The following B4GALT6 variants were observed in gnomAD, a reference collection of about 807,000 sequenced individuals.
The protein encoded by B4GALT6 is UDP-Gal:beta-GlcNAc beta-1,4-galactosyltransferase 6.
In B4GALT6, 14 loss-of-function variants were observed where a neutral mutation model predicts 46.3. The observed-to-expected ratio is 0.30, with a 90% CI of 0.20 to 0.47. The LOEUF (loss-of-function observed/expected upper bound fraction) is 0.47, where lower values mean the gene tolerates loss of function less well. Among genes scored for constraint, B4GALT6 ranks in the 20% least tolerant of loss-of-function variants. The probability of loss-of-function intolerance (pLI) is 0.99; values close to 1 mark genes in which losing one functional copy is unlikely to be tolerated. For missense variants in B4GALT6, 386 were observed against 480.1 expected (o/e 0.80, Z 1.83); for synonymous variants, 168 against 162.0 (o/e 1.04, Z -0.28).
At chr18:31,637,926 AAC>A (rs989366196) in intron 5 of B4GALT6, among the ~76,000 whole-genome samples, 5 of 152,254 alleles carry the variant, frequency 3.3e-5, no homozygotes, top group African/African-American at 1.2e-4. Context: ...TTAGAAAATA[AAC>A]AGTTTCTCAA....
chr18:31,652,122 T>C (rs954552262), intron 3 of B4GALT6, among the ~76,000 whole-genome samples: 1 of 152,042 alleles, frequency 6.6e-6, no homozygotes, highest in African/African-American at 2.4e-5. Context: ...CAAGTCCATC[T>C]CTTCCTAAAG....
chr18:31,678,105 A>T (rs574912736), intron 1 of B4GALT6, among the ~76,000 whole-genome samples: 25 of 152,184 alleles, frequency 1.6e-4, no homozygotes, highest in Non-Finnish European at 3.7e-4. Flanking sequence ...AAGGTAAGCC[A>T]GGGTGCTGCG....
intron 3 of B4GALT6, among the ~76,000 whole-genome samples, chr18:31,648,338 T>C (rs2074018129): frequency 6.6e-6 from 1 of 152,248 alleles, no homozygotes; most frequent in African/African-American, 2.4e-5. Flanking sequence ...TCAGCAAATG[T>C]AAATAATATA....
At chr18:31,656,329 GT>G (rs2074138250) in intron 3 of B4GALT6, among the ~76,000 whole-genome samples, 1 of 152,038 alleles carries the variant, frequency 6.6e-6, no homozygotes, top group South Asian at 2.1e-4. Flanking sequence ...TCAAAAAGAT[GT>G]TTATTTAAAT....
chr18:31,645,628 C>G (rs1229653202), intron 3 of B4GALT6, 149 bp from the exon 4 acceptor site: 1 of 676,974 alleles, frequency 1.5e-6, no homozygotes, highest in Non-Finnish European at 2.4e-6. Context: ...ATGAATAGCG[C>G]TCCCTTTCAC....
At chr18:31,710,380 A>C in the B4GALT6 span, among the ~76,000 whole-genome samples, 1 of 152,192 alleles carries the variant, frequency 6.6e-6, no homozygotes, top group Admixed American at 6.5e-5. Context: ...CTCCCAAAAA[A>C]ATATGTTTAC....
At chr18:31,691,904 C>G in the B4GALT6 span, among the ~76,000 whole-genome samples, 98 of 152,048 alleles carry the variant, frequency 6.4e-4, no homozygotes, top group Admixed American at 2.3e-3. Flanking sequence ...TTAGGTATAT[C>G]AGAGCTATTC....
chr18:31,703,061 A>C, the B4GALT6 span, among the ~76,000 whole-genome samples: 1 of 152,204 alleles, frequency 6.6e-6, no homozygotes, highest in African/African-American at 2.4e-5. Flanking sequence ...GCAAGTTTTT[A>C]AATCTTTTGC....
intron 2 of B4GALT6, among the ~76,000 whole-genome samples, chr18:31,662,842 AAAAAAAACAAAAAC>A (rs2074235515): frequency 6.6e-6 from 1 of 152,108 alleles, no homozygotes; most frequent in East Asian, 1.9e-4. Context: ...CTCTGTCTCA[AAAAAAAACAAAAAC>A]AAAAAAACCC....
the B4GALT6 span, among the ~76,000 whole-genome samples, chr18:31,717,844 C>T: frequency 4.0e-5 from 6 of 151,398 alleles, no homozygotes; most frequent in East Asian, 9.7e-4. Context: ...ATCCCAGCTA[C>T]TCGGGAGGCT....
At chr18:31,712,174 C>T in the B4GALT6 span, among the ~76,000 whole-genome samples, 3 of 152,038 alleles carry the variant, frequency 2.0e-5, no homozygotes, top group African/African-American at 7.3e-5. Context: ...TGCTGGCTAC[C>T]ACTCTTTCTA....
rs193063760 is a variant in B4GALT6 at position 31,629,127 on chromosome 18, T to A, written c.776+1832A>T. Among the ~76,000 whole-genome samples the A allele has an allele frequency of 4.5e-4, 68 of 152,344 alleles. No individual in the cohort carries two copies. The South Asian group carries it at 9.9e-3, about 22-fold the overall frequency. ...AACATCTTTTCTCTAGCTTACTTTA[T>A]GGTAAGAATATGGTATACAATACAT... On this transcript the variant is annotated intron_variant, in intron 6 of 8. Transcript: ENST00000306851.
chr18:31,722,569 T>C, the B4GALT6 span, among the ~76,000 whole-genome samples: 1 of 152,148 alleles, frequency 6.6e-6, no homozygotes, highest in Non-Finnish European at 1.5e-5. Context: ...TAGAGGCGGC[T>C]TTGAGAAGTG....
At chr18:31,666,841 G>A (rs2074288837) in intron 1 of B4GALT6, among the ~76,000 whole-genome samples, 1 of 152,040 alleles carries the variant, frequency 6.6e-6, no homozygotes. Context: ...CAATGGTCCT[G>A]AAAATTCTTG....
chr18:31,657,755 T>TC (rs1302844285), intron 3 of B4GALT6, among the ~76,000 whole-genome samples: 2 of 152,148 alleles, frequency 1.3e-5, no homozygotes, highest in African/African-American at 4.8e-5. Flanking sequence ...TTTGTCATTT[T>TC]CCCCCTTTGT....
chr18:31,659,387 G>A (rs1167086599), intron 2 of B4GALT6, among the ~76,000 whole-genome samples: 1 of 152,130 alleles, frequency 6.6e-6, no homozygotes, highest in Admixed American at 6.5e-5. Context: ...TGGGGATGCT[G>A]CCTAGGAGTC....
chr18:31,687,658 A>G (rs1598944078), upstream of B4GALT6, among the ~76,000 whole-genome samples: 1 of 152,234 alleles, frequency 6.6e-6, no homozygotes. Flanking sequence ...AGTAAGACAG[A>G]AATAAATTTT....
At chr18:31,657,886 A>G in intron 3 of B4GALT6, 90 bp downstream of exon 3, 2 of 924,138 alleles carry the variant, frequency 2.2e-6, no homozygotes, top group East Asian at 2.4e-5. Flanking sequence ...GGTGCACATG[A>G]CCTGCTCCTG....
At chr18:31,700,319 C>T in the B4GALT6 span, among the ~76,000 whole-genome samples, 2 of 151,948 alleles carry the variant, frequency 1.3e-5, no homozygotes, top group African/African-American at 4.8e-5. Flanking sequence ...ATAGAGGAAG[C>T]AAATGATATA....
Sources: gnomAD v4.1 joint callset for allele counts (sites outside exome capture counted in the v4.1 genomes callset) on GRCh38, gnomAD v4.1.1 for gene constraint, MANE v1.5 for transcripts, NCBI Gene and HGNC (gene_info 2026-07-23, HGNC 2026-07-21) for gene names.